PACRG: variants seen among roughly 807,000 people sequenced by gnomAD.
PACRG encodes the protein parkin coregulated, also known as parkin coregulated gene protein.
A neutral mutation model predicts 29.7 loss-of-function variants in PACRG; 29 were observed. The observed-to-expected ratio is 0.98, with a 90% CI of 0.73 to 1.33. The LOEUF (loss-of-function observed/expected upper bound fraction) is 1.33, where lower values mean the gene tolerates loss of function less well. Among genes scored for constraint, PACRG ranks in the 40% most tolerant of loss-of-function variants. The pLI, the probability that PACRG is intolerant of heterozygous loss-of-function variation, is 0.00. For synonymous variants in PACRG, 116 were observed against 118.7 expected (o/e 0.98, Z 0.15); for missense variants, 279 against 316.2 (o/e 0.88, Z 0.89).
intron 4 of PACRG, among the ~76,000 whole-genome samples, chr6:163,111,553 G>A (rs999268987): frequency 2.0e-5 from 3 of 152,176 alleles, no homozygotes; most frequent in Admixed American, 6.5e-5. Flanking sequence ...GTTTTGAAGT[G>A]CCTAATTAAG....
At chr6:162,896,622 T>C (rs905959372) in intron 2 of PACRG, among the ~76,000 whole-genome samples, 3 of 152,246 alleles carry the variant, frequency 2.0e-5, no homozygotes, top group African/African-American at 7.2e-5. Flanking sequence ...ATGCAGGGTA[T>C]ATTATAAACG....
chr6:163,112,097 G>A (rs1377396026), intron 4 of PACRG: 1 of 924,624 alleles, frequency 1.1e-6, no homozygotes, highest in African/African-American at 1.8e-5. Flanking sequence ...AAGGATTCTG[G>A]GAAGATGGTA....
At chr6:163,152,970 G>A (rs1182720290) in intron 4 of PACRG, among the ~76,000 whole-genome samples, 4 of 152,158 alleles carry the variant, frequency 2.6e-5, no homozygotes, top group Non-Finnish European at 4.4e-5. Context: ...TGCTTCAGGG[G>A]AGAGCCAGTG....
chr6:162,997,865 C>T (rs1277557230), intron 2 of PACRG, among the ~76,000 whole-genome samples: 2 of 152,118 alleles, frequency 1.3e-5, no homozygotes, highest in South Asian at 2.1e-4. Context: ...AGTTGTTTAT[C>T]TTTTTCTTAT....
intron 2 of PACRG, among the ~76,000 whole-genome samples, chr6:162,816,478 G>A (rs918183618): frequency 5.3e-5 from 8 of 151,912 alleles, no homozygotes; most frequent in Non-Finnish European, 1.0e-4. Flanking sequence ...TCAGCCTCCC[G>A]AGTAGCTGGG....
intron 3 of PACRG, among the ~76,000 whole-genome samples, chr6:163,083,375 TC>T (rs1813255169): frequency 6.6e-6 from 1 of 152,194 alleles, no homozygotes; most frequent in African/African-American, 2.4e-5. Context: ...CTTCCAGTCT[TC>T]CTGCTTTTGC....
chr6:163,111,831 T>C (rs903332640), intron 4 of PACRG, among the ~76,000 whole-genome samples: 1 of 152,228 alleles, frequency 6.6e-6, no homozygotes, highest in Admixed American at 6.5e-5. Flanking sequence ...AGCTTGGGTG[T>C]ATCTTGGTTT....
intron 2 of PACRG, among the ~76,000 whole-genome samples, chr6:163,032,756 A>T (rs1215822038): frequency 2.0e-5 from 3 of 152,200 alleles, no homozygotes; most frequent in Non-Finnish European, 4.4e-5. Flanking sequence ...TGCATTATTG[A>T]TGTCAGACCC....
chr6:162,883,307 G>T (rs534437204), intron 2 of PACRG, among the ~76,000 whole-genome samples: 74 of 152,294 alleles, frequency 4.9e-4, no homozygotes, highest in African/African-American at 1.8e-3. Context: ...GACACAGCTT[G>T]TTGGGGCCCG....
chr6:162,909,286 G>T (rs556043950), intron 2 of PACRG, among the ~76,000 whole-genome samples: 66 of 152,010 alleles, frequency 4.3e-4, no homozygotes, highest in African/African-American at 1.5e-3. Flanking sequence ...CCAGGCGCGG[G>T]GGCTCATGCC....
At chr6:163,266,667 T>G (rs1482604117) in intron 4 of PACRG, among the ~76,000 whole-genome samples, 1 of 152,218 alleles carries the variant, frequency 6.6e-6, no homozygotes, top group Non-Finnish European at 1.5e-5. Flanking sequence ...GACTTTTGCA[T>G]GTATTACCTC....
In PACRG at chr6:163,144,244, AAAAAAG is replaced by A. The variant is rs1307080682; in HGVS notation, c.613+54837_613+54842del. ...ACTCCGTCTCAAAACAAAAAAAAAA[AAAAAAG>A]GGAAAAGTAGTTTTTAAATCTTTTG... On this transcript the variant is annotated intron_variant, in intron 4 of 4. Coordinates refer to ENST00000366888, the MANE Select transcript of PACRG (RefSeq NM_001080379.2). Among the ~76,000 whole-genome samples the A allele has an allele frequency of 2.6e-5, 4 of 151,110 alleles. No individual in the cohort carries two copies. The South Asian group carries it at 6.3e-4, about 24-fold the overall frequency.
At chr6:163,297,075 T>C (rs1784803840) in intron 4 of PACRG, among the ~76,000 whole-genome samples, 1 of 152,256 alleles carries the variant, frequency 6.6e-6, no homozygotes, top group Admixed American at 6.5e-5. Context: ...CTTTTTGTAA[T>C]GTTTGTTTTT....
At chr6:163,078,436 G>A (rs1240835870) in intron 3 of PACRG, among the ~76,000 whole-genome samples, 3 of 151,512 alleles carry the variant, frequency 2.0e-5, no homozygotes, top group Non-Finnish European at 4.4e-5. Context: ...CCGGGAGACG[G>A]AGGTTGCAGT....
chr6:163,296,350 C>A (rs565403185), intron 4 of PACRG, among the ~76,000 whole-genome samples: 1 of 152,202 alleles, frequency 6.6e-6, no homozygotes, highest in South Asian at 2.1e-4. Context: ...GGCTGGAGTG[C>A]AGTAGCACAA....
intron 2 of PACRG, among the ~76,000 whole-genome samples, chr6:162,978,200 G>T (rs1369633236): frequency 6.6e-6 from 1 of 151,992 alleles, no homozygotes; most frequent in African/African-American, 2.4e-5. Context: ...TAAACAGCAT[G>T]AATGCTCATT....
At chr6:163,117,002 C>A (rs1290365332) in intron 4 of PACRG, among the ~76,000 whole-genome samples, 1 of 152,190 alleles carries the variant, frequency 6.6e-6, no homozygotes, top group Non-Finnish European at 1.5e-5. Context: ...AGCATCATTT[C>A]TCCACTCCCT....
At chr6:163,079,320 T>G (rs1812850266) in intron 3 of PACRG, among the ~76,000 whole-genome samples, 1 of 151,390 alleles carries the variant, frequency 6.6e-6, no homozygotes, top group South Asian at 2.1e-4. Context: ...CGATCAAATA[T>G]AGATACATGA....
intron 4 of PACRG, among the ~76,000 whole-genome samples, chr6:163,161,739 G>A (rs539913031): frequency 2.0e-5 from 3 of 152,218 alleles, no homozygotes; most frequent in East Asian, 3.9e-4. Context: ...GGTGTTTTAC[G>A]TTTGGGTGTC....
Sources: gnomAD v4.1 joint callset for allele counts (sites outside exome capture counted in the v4.1 genomes callset) on GRCh38, gnomAD v4.1.1 for gene constraint, MANE v1.5 for transcripts, NCBI Gene and HGNC (gene_info 2026-07-23, HGNC 2026-07-21) for gene names.